Variants in TSPAN18 observed in about 807,000 individuals in gnomAD.
TSPAN18 encodes the protein tetraspanin 18.
In TSPAN18, 14 loss-of-function variants were observed where a neutral mutation model predicts 27.3. The ratio of observed to expected loss-of-function variants is 0.51; its 90% CI spans 0.34 to 0.80. The LOEUF is 0.80. Among genes scored for constraint, TSPAN18 ranks in the 30% least tolerant of loss-of-function variants. The pLI is 0.01. For missense variants in TSPAN18, 268 were observed against 323.9 expected (o/e 0.83, Z 1.32); for synonymous variants, 143 against 136.5 (o/e 1.05, Z -0.33).
intron 2 of TSPAN18, among the ~76,000 whole-genome samples, chr11:44,777,084 G>A (rs10501307): frequency 0.05 from 7,630 of 152,292 alleles, 367 homozygotes; most frequent in East Asian, 0.16. Flanking sequence ...TAGCTTAGGA[G>A]CGGACCTAGA....
At chr11:44,927,886 C>T (rs1010914534) in intron 9 of TSPAN18, among the ~76,000 whole-genome samples, 7 of 152,130 alleles carry the variant, frequency 4.6e-5, no homozygotes, top group Non-Finnish European at 1.0e-4. Flanking sequence ...TTACAGATGA[C>T]GGGGACAGCA....
chr11:44,803,361 A>G (rs1056891857), intron 2 of TSPAN18, among the ~76,000 whole-genome samples: 3 of 152,196 alleles, frequency 2.0e-5, no homozygotes, highest in African/African-American at 7.2e-5. Context: ...TTTTCAGCAA[A>G]GAAGGTATCC....
intron 2 of TSPAN18, among the ~76,000 whole-genome samples, chr11:44,790,072 G>A (rs558139830): frequency 6.6e-6 from 1 of 152,348 alleles, no homozygotes; most frequent in South Asian, 2.1e-4. Context: ...TGGGCTTACT[G>A]CCCCTGGTGG....
At chr11:44,727,706 CT>C (rs1480344075) in intron 1 of TSPAN18, among the ~76,000 whole-genome samples, 1 of 152,098 alleles carries the variant, frequency 6.6e-6, no homozygotes, top group Non-Finnish European at 1.5e-5. Context: ...GGACCAGGGA[CT>C]GGGAGCGGCG....
At chr11:44,919,540 C>G (rs984996647) in intron 7 of TSPAN18, 1 of 611,840 alleles carries the variant, frequency 1.6e-6, no homozygotes, top group Non-Finnish European at 2.9e-6. Context: ...AAGCAATGGT[C>G]ATTATGATGA....
At chr11:44,856,140 C>T (rs141700870) in intron 2 of TSPAN18, among the ~76,000 whole-genome samples, 6 of 152,226 alleles carry the variant, frequency 3.9e-5, no homozygotes, top group African/African-American at 1.4e-4. Flanking sequence ...GCCTCAGCCT[C>T]CTAAACTACT....
intron 9 of TSPAN18, 117 bp downstream of exon 9, chr11:44,926,874 C>T: frequency 9.1e-7 from 1 of 1,094,288 alleles, no homozygotes. Context: ...CAAGGGGCCC[C>T]CACTGTGGGT....
intron 3 of TSPAN18, among the ~76,000 whole-genome samples, chr11:44,875,129 C>T (rs1452277725): frequency 2.0e-5 from 3 of 152,226 alleles, no homozygotes; most frequent in African/African-American, 2.4e-5. Context: ...CCGTGGGGCC[C>T]TCCCAGCCCA....
chr11:44,789,917 CT>C (rs1276956060), intron 2 of TSPAN18, among the ~76,000 whole-genome samples: 1 of 152,202 alleles, frequency 6.6e-6, no homozygotes, highest in Non-Finnish European at 1.5e-5. Flanking sequence ...GGAAGGCCCC[CT>C]GGAGCTCTTC....
chr11:44,781,388 TACA>T (rs762390607), intron 2 of TSPAN18, among the ~76,000 whole-genome samples: 93 of 152,228 alleles, frequency 6.1e-4, no homozygotes, highest in Non-Finnish European at 9.1e-4. Context: ...GTTAAAATGT[TACA>T]ACAACCTTAA....
At chr11:44,917,149 C>G (rs924285059) in intron 5 of TSPAN18, among the ~76,000 whole-genome samples, 4 of 152,228 alleles carry the variant, frequency 2.6e-5, no homozygotes, top group Admixed American at 6.5e-5. Flanking sequence ...CTGTTAGGCA[C>G]TGTGGTGCGG....
intron 1 of TSPAN18, among the ~76,000 whole-genome samples, chr11:44,747,352 C>T (rs983737989): frequency 6.6e-6 from 1 of 152,170 alleles, no homozygotes; most frequent in Non-Finnish European, 1.5e-5. Context: ...CCCAGATATC[C>T]CTTGGGCAGG....
chr11:44,917,739 G>T, intron 5 of TSPAN18: 1 of 564,782 alleles, frequency 1.8e-6, no homozygotes, highest in Non-Finnish European at 3.2e-6. Flanking sequence ...CCATTTGCAT[G>T]GAAGGTATAT....
At chr11:44,890,173 G>A (rs1354385140) in intron 3 of TSPAN18, among the ~76,000 whole-genome samples, 1 of 152,210 alleles carries the variant, frequency 6.6e-6, no homozygotes, top group Non-Finnish European at 1.5e-5. Context: ...TGGCAGATTG[G>A]ACTGCTAAGA....
intron 2 of TSPAN18, among the ~76,000 whole-genome samples, chr11:44,802,609 G>GCGCACA: frequency 7.0e-6 from 1 of 142,704 alleles, no homozygotes; most frequent in East Asian, 2.1e-4. Context: ...GGGAAGCACT[G>GCGCACA]CACACACACA....
chr11:44,846,418 C>T (rs1428530014), intron 2 of TSPAN18, among the ~76,000 whole-genome samples: 1 of 152,210 alleles, frequency 6.6e-6, no homozygotes, highest in Non-Finnish European at 1.5e-5. Context: ...TGGGGGAGGG[C>T]GCTTGGCAGG....
At chr11:44,926,631 C>G (rs371142344) in intron 8 of TSPAN18, 43 bp from the exon 9 acceptor site, 115 of 1,583,276 alleles carry the variant, frequency 7.3e-5, no homozygotes, top group Non-Finnish European at 9.5e-5. Flanking sequence ...CTCCAGGACT[C>G]TCAACCCTGG....
chr11:44,744,682 G>C (rs1263979621), intron 1 of TSPAN18, among the ~76,000 whole-genome samples: 1 of 152,188 alleles, frequency 6.6e-6, no homozygotes, highest in Admixed American at 6.5e-5. Flanking sequence ...GGTTGGTGTG[G>C]GAAATAGAAT....
chr11:44,849,469 C>T (rs942605815), intron 2 of TSPAN18, among the ~76,000 whole-genome samples: 1 of 152,178 alleles, frequency 6.6e-6, no homozygotes, highest in East Asian at 1.9e-4. Flanking sequence ...AGACATTGCC[C>T]CCAACAGAGG....
Sources: gnomAD v4.1 joint callset for allele counts (sites outside exome capture counted in the v4.1 genomes callset) on GRCh38, gnomAD v4.1.1 for gene constraint, MANE v1.5 for transcripts, NCBI Gene and HGNC (gene_info 2026-07-23, HGNC 2026-07-21) for gene names.